MAGI3: variants seen among roughly 807,000 people sequenced by gnomAD.
MAGI3 encodes membrane-associated guanylate kinase, WW and PDZ domain-containing protein 3.
A neutral mutation model predicts 121.8 loss-of-function variants in MAGI3; 43 were observed. That is an observed-to-expected ratio of 0.35 (90% confidence interval 0.28 to 0.46). The LOEUF (loss-of-function observed/expected upper bound fraction) is 0.46. MAGI3 is among the 20% of genes least tolerant of loss of function. The pLI, the probability that MAGI3 is intolerant of heterozygous loss-of-function variation, is 1.00. For missense variants in MAGI3, 1,547 were observed against 1,797.3 expected (o/e 0.86, Z 2.52); for synonymous variants, 553 against 639.3 (o/e 0.86, Z 2.04).
At chr1:113,676,762 C>T (rs1345325047) in intron 19 of MAGI3, among the ~76,000 whole-genome samples, 2 of 152,074 alleles carry the variant, frequency 1.3e-5, no homozygotes, top group Non-Finnish European at 2.9e-5. Context: ...CTGCCTCCCC[C>T]GCTTGCCTCT....
chr1:113,408,459 A>G (rs1223478891), intron 1 of MAGI3, among the ~76,000 whole-genome samples: 1 of 152,154 alleles, frequency 6.6e-6, no homozygotes, highest in African/African-American at 2.4e-5. Context: ...TAGCTAGGTT[A>G]TCAGTTAAGT....
At chr1:113,527,260 A>C (rs539562772) in intron 1 of MAGI3, among the ~76,000 whole-genome samples, 1 of 151,978 alleles carries the variant, frequency 6.6e-6, no homozygotes, top group South Asian at 2.1e-4. Flanking sequence ...GGCAGGGAGG[A>C]GGTCTGATGC....
intron 6 of MAGI3, among the ~76,000 whole-genome samples, chr1:113,603,837 A>G (rs1312156179): frequency 6.6e-6 from 1 of 152,222 alleles, no homozygotes; most frequent in Admixed American, 6.5e-5. Flanking sequence ...AAAGTGGACA[A>G]ATTACATGAA....
intron 6 of MAGI3, among the ~76,000 whole-genome samples, chr1:113,601,670 C>T (rs1335082957): frequency 2.1e-5 from 3 of 146,078 alleles, no homozygotes; most frequent in Non-Finnish European, 4.5e-5. Flanking sequence ...GTGGCGATTC[C>T]TCAGGGATCT....
intron 9 of MAGI3, among the ~76,000 whole-genome samples, chr1:113,638,788 G>A (rs1403211519): frequency 3.9e-5 from 6 of 152,242 alleles, no homozygotes; most frequent in Non-Finnish European, 8.8e-5. Context: ...ATTTAAGTCT[G>A]CAGAGGTTAC....
intron 19 of MAGI3, among the ~76,000 whole-genome samples, chr1:113,675,487 G>A (rs1647814379): frequency 6.6e-6 from 1 of 152,202 alleles, no homozygotes; most frequent in South Asian, 2.1e-4. Flanking sequence ...TCATGTTGAG[G>A]TGAAGGGAAC....
At chr1:113,522,115 A>C (rs1036083261) in intron 1 of MAGI3, among the ~76,000 whole-genome samples, 1 of 146,814 alleles carries the variant, frequency 6.8e-6, no homozygotes, top group Non-Finnish European at 1.5e-5. Flanking sequence ...ATATTTATTT[A>C]TTTCTTTTTT....
chr1:113,527,462 AT>A, intron 1 of MAGI3, among the ~76,000 whole-genome samples: 1 of 152,248 alleles, frequency 6.6e-6, no homozygotes, highest in African/African-American at 2.4e-5. Context: ...GGAGAAAGGC[AT>A]ATAAAAGATT....
intron 9 of MAGI3, among the ~76,000 whole-genome samples, chr1:113,629,729 CCTCTCTCT>C (rs374062732): frequency 1.1e-4 from 12 of 112,012 alleles, no homozygotes; most frequent in East Asian, 2.8e-4. Flanking sequence ...AGTCAGTCTC[CCTCTCTCT>C]CTCTCTCTCT....
At chr1:113,432,504 G>A (rs12130729) in intron 1 of MAGI3, among the ~76,000 whole-genome samples, 9,432 of 152,000 alleles carry the variant, frequency 0.062, 316 homozygotes, top group Non-Finnish European at 0.074. Flanking sequence ...GTTTATGACC[G>A]TAGGATAGGG....
intron 1 of MAGI3, among the ~76,000 whole-genome samples, chr1:113,396,035 A>AT (rs960657402): frequency 1.3e-4 from 20 of 151,902 alleles, no homozygotes; most frequent in Admixed American, 2.6e-4. Context: ...AATTTTTGTG[A>AT]TTTTTTTTCT....
At chr1:113,590,424 G>A (rs930593837) in intron 4 of MAGI3, 60 bp from the exon 5 acceptor site, 10 of 1,550,152 alleles carry the variant, frequency 6.5e-6, no homozygotes, top group Non-Finnish European at 8.8e-6. Flanking sequence ...GAAAGGTGCT[G>A]TTTGAAGAAG....
At chr1:113,644,910 C>T (rs1240647282) in intron 11 of MAGI3, among the ~76,000 whole-genome samples, 1 of 151,946 alleles carries the variant, frequency 6.6e-6, no homozygotes, top group Non-Finnish European at 1.5e-5. Flanking sequence ...CTTCCATAAC[C>T]ATAAACTATA....
intron 1 of MAGI3, among the ~76,000 whole-genome samples, chr1:113,449,386 T>TGC (rs2101481284): frequency 6.6e-6 from 1 of 151,410 alleles, no homozygotes; most frequent in Admixed American, 6.6e-5. Context: ...TGTGTGTGTG[T>TGC]GTGACAGAGA....
chr1:113,629,650 CAGA>C (rs768736323), intron 9 of MAGI3, among the ~76,000 whole-genome samples: 1 of 152,032 alleles, frequency 6.6e-6, no homozygotes, highest in Non-Finnish European at 1.5e-5. Flanking sequence ...GGATACGATT[CAGA>C]AGAATTATCT....
intron 1 of MAGI3, among the ~76,000 whole-genome samples, chr1:113,446,080 C>T (rs1654163379): frequency 6.6e-6 from 1 of 152,166 alleles, no homozygotes; most frequent in Non-Finnish European, 1.5e-5. Context: ...TTAAGAAAAA[C>T]AATCATTAGT....
rs545509777 is a variant in MAGI3, at chr1:113,532,297, A to G, written c.317-17218A>G. Among the ~76,000 whole-genome samples the G allele has an allele frequency of 1.8e-4, 27 of 152,246 alleles. 2 individuals carry two copies. Among genetic ancestry groups the G allele is most frequent in the Admixed American group, 1.2e-3 (19 of 15,300 alleles). On this transcript the variant is annotated intron_variant, in intron 1 of 20. Coordinates refer to ENST00000307546, the MANE Select transcript of MAGI3 (RefSeq NM_001142782.2). The stretch of plus-strand genomic sequence containing the variant: ...TTATATTATATATAAACAGCTTCCC[A>G]GAAACAGAATTGAACATGAAATTTT...
At chr1:113,593,095 A>C (rs1306311132) in intron 5 of MAGI3, among the ~76,000 whole-genome samples, 1 of 152,212 alleles carries the variant, frequency 6.6e-6, no homozygotes, top group Non-Finnish European at 1.5e-5. Flanking sequence ...AGAGCTCTGC[A>C]AGTAGCTCAG....
intron 2 of MAGI3, among the ~76,000 whole-genome samples, chr1:113,564,308 T>C (rs1557825690): frequency 1.3e-5 from 2 of 152,324 alleles, no homozygotes; most frequent in Middle Eastern, 3.4e-3. Context: ...GTATCACTTA[T>C]GGTTGATTGT....
Sources: allele counts gnomAD v4.1 joint callset (sites outside exome capture counted in the v4.1 genomes callset), GRCh38; gene constraint gnomAD v4.1.1; transcripts MANE v1.5; gene names NCBI Gene and HGNC (gene_info 2026-07-23, HGNC 2026-07-21).